EFNA5: variants seen among roughly 807,000 people sequenced by gnomAD.
EFNA5 encodes the protein ephrin A5, also known as ephrin-A5.
In EFNA5, 5 loss-of-function variants were observed where a neutral mutation model predicts 22.9. The ratio of observed to expected loss-of-function variants is 0.22; its 90% confidence interval spans 0.11 to 0.46. The LOEUF is 0.46. Among genes scored for constraint, EFNA5 ranks in the 20% least tolerant of loss-of-function variants. The pLI is 0.99. For synonymous variants in EFNA5, 113 were observed against 112.2 expected, an observed-to-expected ratio of 1.01 and a Z score of -0.04; for missense variants, 237 against 293.3, an observed-to-expected ratio of 0.81 and a Z score of 1.40.
intron 3 of EFNA5, 78 bp downstream of exon 3, chr5:107,387,628 T>C: frequency 9.6e-7 from 1 of 1,046,482 alleles, no homozygotes; most frequent in Non-Finnish European, 1.4e-6. Context: ...AAAAAAAAGT[T>C]TTACCGCCGT....
chr5:107,532,657 T>C lies in EFNA5; in HGVS notation c.126-105148A>G, dbSNP rs1039990464. On this transcript the variant is annotated intron_variant, in intron 1 of 4. Transcript: ENST00000333274. ...ACTGGTCCTCTACCACAATTGGACA[T>C]GTGGACCGAATCTGAGTGAGGAAGG... Among the ~76,000 whole-genome samples, 4 of 152,216 alleles carry C rather than the reference T, an allele frequency of 2.6e-5. No homozygotes were observed. The East Asian group carries it at 7.7e-4, about 29-fold the overall frequency.
At chr5:107,589,881 T>A (rs566173090) in intron 1 of EFNA5, among the ~76,000 whole-genome samples, 27 of 152,334 alleles carry the variant, frequency 1.8e-4, no homozygotes, top group Admixed American at 4.6e-4. Context: ...TTTTTCTTCT[T>A]CTGCTTTTAG....
intron 1 of EFNA5, among the ~76,000 whole-genome samples, chr5:107,558,530 A>G (rs1210465352): frequency 6.6e-6 from 1 of 152,188 alleles, no homozygotes; most frequent in East Asian, 1.9e-4. Context: ...TATAATTCCT[A>G]TTATACTTTC....
intron 1 of EFNA5, among the ~76,000 whole-genome samples, chr5:107,491,715 G>A (rs1172460473): frequency 6.6e-6 from 1 of 152,156 alleles, no homozygotes; most frequent in African/African-American, 2.4e-5. Context: ...CTCTTCAGAG[G>A]GGAACTGAAT....
intron 1 of EFNA5, among the ~76,000 whole-genome samples, chr5:107,430,301 G>C (rs1748914426): frequency 6.6e-6 from 1 of 152,096 alleles, no homozygotes; most frequent in South Asian, 2.1e-4. Context: ...GACAGTTTTG[G>C]ATAAGAGCCA....
Position 107,617,237 on chromosome 5 carries a change from CAG to C in EFNA5, c.125+53250_125+53251del, listed in dbSNP as rs35218587. On this transcript the variant is annotated intron_variant, in intron 1 of 4. Coordinates refer to ENST00000333274, the MANE Select transcript of EFNA5 (RefSeq NM_001962.3). ...ACACACACACACACACACACACACA[CAG>C]AGAGAGAGAGAGAGAGAGAAAGAGA... 6.8e-3 allele frequency among the ~76,000 whole-genome samples: 985 copies of C among 144,032 alleles called. 6 individuals carry two copies. The highest frequency in any genetic ancestry group is 0.011 in the African/African-American group (441 of 38,682). The allele number at this position is 144,032 out of a possible 152,430, so 94.5% of individuals were successfully genotyped here.
rs116202948 is a variant in EFNA5, at chr5:107,500,295, G to A, written c.126-72786C>T. Among the ~76,000 whole-genome samples, 496 of 152,272 alleles carry A rather than the reference G, an allele frequency of 3.3e-3. 2 individuals are homozygous for A. Among genetic ancestry groups the A allele is most frequent in the African/African-American group, 0.012 (480 of 41,542 alleles). ...TTAACTGTGGTCTGTAGGGCACGAA[G>A]GCTGATCTTTTACGTTTTCCCTACA... On this transcript the variant is annotated intron_variant, in intron 1 of 4. Coordinates refer to ENST00000333274, the MANE Select transcript of EFNA5 (RefSeq NM_001962.3).
intron 1 of EFNA5, among the ~76,000 whole-genome samples, chr5:107,635,256 G>A (rs939603499): frequency 1.3e-5 from 2 of 152,182 alleles, no homozygotes; most frequent in East Asian, 3.8e-4. Context: ...TTACTTTAAT[G>A]TATAACTGCT....
chr5:107,547,792 T>G (rs1029082737), intron 1 of EFNA5, among the ~76,000 whole-genome samples: 6 of 152,216 alleles, frequency 3.9e-5, no homozygotes, highest in Non-Finnish European at 8.8e-5. Context: ...ATTGTGTTTT[T>G]TTCCCCCACA....
chr5:107,520,813 T>C (rs1747580907), intron 1 of EFNA5, among the ~76,000 whole-genome samples: 1 of 152,192 alleles, frequency 6.6e-6, no homozygotes, highest in Non-Finnish European at 1.5e-5. Flanking sequence ...TCAAGATGTA[T>C]TTGCTGTTTC....
chr5:107,513,458 G>T (rs1484276730), intron 1 of EFNA5, among the ~76,000 whole-genome samples: 1 of 152,172 alleles, frequency 6.6e-6, no homozygotes, highest in Non-Finnish European at 1.5e-5. Flanking sequence ...ATGGGGAAAT[G>T]AGTCAAAGTG....
chr5:107,554,151 C>T (rs1268156483), intron 1 of EFNA5, among the ~76,000 whole-genome samples: 1 of 152,198 alleles, frequency 6.6e-6, no homozygotes, highest in African/African-American at 2.4e-5. Flanking sequence ...GCTGGCTGAT[C>T]GCCCTATAAT....
intron 1 of EFNA5, among the ~76,000 whole-genome samples, chr5:107,581,222 C>T (rs1580541453): frequency 6.6e-6 from 1 of 152,300 alleles, no homozygotes; most frequent in South Asian, 2.1e-4. Context: ...CACCTTGGAA[C>T]AAACTAATAC....
At chr5:107,591,932 TAATATATATATTATATATA>T in intron 1 of EFNA5, among the ~76,000 whole-genome samples, 1 of 17,160 alleles carries the variant, frequency 5.8e-5, no homozygotes, top group East Asian at 8.3e-4. Context: ...ATATAATATA[TAATATATATATTATATATA>T]ATATATAATA....
chr5:107,521,511 A>T (rs2112443566), intron 1 of EFNA5, among the ~76,000 whole-genome samples: 1 of 142,788 alleles, frequency 7.0e-6, no homozygotes, highest in Middle Eastern at 3.6e-3. Context: ...GGGTTTCCAT[A>T]TGTTGCCCAG....
intron 1 of EFNA5, among the ~76,000 whole-genome samples, chr5:107,489,667 C>CA (rs1746748368): frequency 6.8e-6 from 1 of 146,972 alleles, no homozygotes; most frequent in Admixed American, 6.7e-5. Flanking sequence ...CCTACCCCCC[C>CA]CACCAAGATC....
intron 1 of EFNA5, among the ~76,000 whole-genome samples, chr5:107,620,668 T>C (rs1215548712): frequency 1.3e-5 from 2 of 152,200 alleles, no homozygotes; most frequent in South Asian, 2.1e-4. Context: ...CTTTAGTGAA[T>C]ATTTCTTAAG....
chr5:107,419,482 A>T (rs1405671076), intron 2 of EFNA5, among the ~76,000 whole-genome samples: 3 of 152,250 alleles, frequency 2.0e-5, no homozygotes, highest in Non-Finnish European at 4.4e-5. Flanking sequence ...AAATTGTTCC[A>T]TTCTATTTTC....
chr5:107,480,744 C>T (rs994754130), intron 1 of EFNA5, among the ~76,000 whole-genome samples: 3 of 152,178 alleles, frequency 2.0e-5, no homozygotes, highest in Admixed American at 1.3e-4. Context: ...AAGACTCTTG[C>T]AGTCAGCGGT....
Sources: gnomAD v4.1 joint callset for allele counts (sites outside exome capture counted in the v4.1 genomes callset) on GRCh38, gnomAD v4.1.1 for gene constraint, MANE v1.5 for transcripts, NCBI Gene and HGNC (gene_info 2026-07-23, HGNC 2026-07-21) for gene names.